The following MLANA variants were observed in gnomAD, a reference collection of about 807,000 sequenced individuals.
MLANA encodes the protein melan-A.
A neutral mutation model predicts 15.7 loss-of-function variants in MLANA; 21 were observed. That is an observed-to-expected ratio of 1.33 (90% CI 0.95 to 1.92). MLANA has a LOEUF of 1.92. MLANA is among the 40% of genes most tolerant of loss of function. The pLI is 0.00. For synonymous variants in MLANA, 56 were observed against 51.5 expected, an observed-to-expected ratio of 1.09 and a Z score of -0.37; for missense variants, 164 against 143.8, an observed-to-expected ratio of 1.14 and a Z score of -0.72.
chr9:5,899,361 A>C (rs897172931), intron 3 of MLANA: 1 of 152,200 alleles, frequency 6.6e-6, no homozygotes, highest in Non-Finnish European at 1.5e-5. Flanking sequence ...TTTGCCAAGA[A>C]ACTTGGGCAG....
intron 1 of MLANA, among the ~76,000 whole-genome samples, chr9:5,891,536 A>G (rs914763267): frequency 6.6e-6 from 1 of 152,190 alleles, no homozygotes; most frequent in African/African-American, 2.4e-5. Context: ...ACTGGGGCTC[A>G]TTAATATAAT....
At chr9:5,896,310 T>C (rs1456984698) in intron 2 of MLANA, among the ~76,000 whole-genome samples, 2 of 152,206 alleles carry the variant, frequency 1.3e-5, no homozygotes, top group South Asian at 2.1e-4. Context: ...CAATGAATGG[T>C]AGTCACTATG....
chr9:5,894,121 G>C lies in MLANA; in HGVS notation c.77+1570G>C, dbSNP rs905707300. Among the ~76,000 whole-genome samples, 11 of 152,156 alleles carry C rather than the reference G, an allele frequency of 7.2e-5. No homozygotes were observed. Among genetic ancestry groups the C allele is most frequent in the Non-Finnish European group, 1.5e-4 (10 of 68,030 alleles). The stretch of plus-strand genomic sequence containing the variant: ...CACAATCCCATCCGACGAGAGGCTA[G>C]GGCAGAGGTCAGTATCTCTCAGTGT... On this transcript the variant is annotated intron_variant, in intron 2 of 4. Coordinates refer to ENST00000381477, the MANE Select transcript of MLANA (RefSeq NM_005511.2). This position sits in a 1 kb window ranked among gnomAD's most constrained non-coding sequence, Gnocchi z 4.0.
In MLANA at chr9:5,909,833, A is replaced by G. The variant is rs753799741; in HGVS notation, c.*1125A>G. On this transcript the variant is annotated 3_prime_UTR_variant, in exon 5 of 5. Coordinates refer to ENST00000381477, the MANE Select transcript of MLANA (RefSeq NM_005511.2). ...GGATCAGAGATTCTGGAATGGTGTC[A>G]TTATTTGCATAGCAACATTGCAATT... 3 of 152,238 alleles carry G rather than the reference A, an allele frequency of 2.0e-5. No homozygotes were observed. The highest frequency in any genetic ancestry group is 2.9e-5 in the Non-Finnish European group (2 of 68,050). 9.4% of individuals were successfully genotyped at this position (152,238 alleles called of 1,614,324 possible).
At chr9:5,902,237 TTG>T (rs1173625941) in intron 3 of MLANA, among the ~76,000 whole-genome samples, 5 of 150,184 alleles carry the variant, frequency 3.3e-5, no homozygotes, top group Non-Finnish European at 7.4e-5. Context: ...TTTTGACAGA[TTG>T]TGTCTTTCAA....
At chr9:5,902,810 T>G (rs1434200648) in intron 3 of MLANA, among the ~76,000 whole-genome samples, 1 of 152,120 alleles carries the variant, frequency 6.6e-6, no homozygotes, top group Non-Finnish European at 1.5e-5. Flanking sequence ...CTCTGCTGAT[T>G]TCTTGTTTTC....
chr9:5,893,225 C>T (rs1470545920), intron 2 of MLANA, among the ~76,000 whole-genome samples: 1 of 152,066 alleles, frequency 6.6e-6, no homozygotes, highest in Non-Finnish European at 1.5e-5. Context: ...GTAATGAAAA[C>T]CCAGAGGCTG....
At chr9:5,899,475 G>T (rs1045427906) in intron 3 of MLANA, among the ~76,000 whole-genome samples, 4 of 152,186 alleles carry the variant, frequency 2.6e-5, no homozygotes, top group Non-Finnish European at 4.4e-5. Flanking sequence ...CACCCACCGA[G>T]CATAGCCCTC....
rs112265389 is a variant in MLANA at position 5,908,294 on chromosome 9, C to T, written c.289-346C>T. Among the ~76,000 whole-genome samples, 14 of 152,270 alleles carry T rather than the reference C, an allele frequency of 9.2e-5. 1 individual carries two copies. Among genetic ancestry groups the T allele is most frequent in the African/African-American group, 3.1e-4 (13 of 41,554 alleles). The stretch of plus-strand genomic sequence containing the variant: ...AATGTGCCTTTAGACACAATTACAA[C>T]GATCTCTGTGGTAAAGATGCAATGT... On this transcript the variant is annotated intron_variant, in intron 4 of 4. Coordinates refer to ENST00000381477, the MANE Select transcript of MLANA (RefSeq NM_005511.2).
intron 2 of MLANA, among the ~76,000 whole-genome samples, chr9:5,896,499 C>T (rs1189519496): frequency 1.3e-5 from 2 of 152,132 alleles, no homozygotes; most frequent in African/African-American, 4.8e-5. Context: ...AGAAGTTGTC[C>T]AGTAGATGGT....
At chr9:5,895,402 T>C (rs564500395) in intron 2 of MLANA, among the ~76,000 whole-genome samples, 1 of 152,174 alleles carries the variant, frequency 6.6e-6, no homozygotes, top group South Asian at 2.1e-4. Context: ...TTTTTAATTT[T>C]TTTGCATAAA....
intron 3 of MLANA, among the ~76,000 whole-genome samples, chr9:5,903,056 A>G (rs546094820): frequency 2.0e-5 from 3 of 152,264 alleles, no homozygotes; most frequent in Non-Finnish European, 2.9e-5. Context: ...ATATATTTAA[A>G]TTTCTCCTGA....
At chr9:5,905,319 A>G (rs1424538077) in intron 3 of MLANA, among the ~76,000 whole-genome samples, 1 of 152,180 alleles carries the variant, frequency 6.6e-6, no homozygotes, top group Non-Finnish European at 1.5e-5. Context: ...GTTGGCCATG[A>G]CGGGAAGGGA....
chr9:5,896,410 T>C (rs1832025173), intron 2 of MLANA, among the ~76,000 whole-genome samples: 1 of 152,214 alleles, frequency 6.6e-6, no homozygotes, highest in Non-Finnish European at 1.5e-5. Context: ...AGTTTCCATC[T>C]AGCACTGTCA....
intron 2 of MLANA, 78 bp from the exon 3 acceptor site, chr9:5,897,479 G>C: frequency 7.5e-7 from 1 of 1,341,136 alleles, no homozygotes; most frequent in Non-Finnish European, 1.1e-6. Flanking sequence ...CATATGAAGA[G>C]GAAGACTGAT....
At chr9:5,893,287 G>A (rs776643165) in intron 2 of MLANA, among the ~76,000 whole-genome samples, 8 of 152,170 alleles carry the variant, frequency 5.3e-5, no homozygotes, top group Admixed American at 1.3e-4. Context: ...TACTCTGTAC[G>A]TGCTGGGTGG....
chr9:5,897,078 G>A (rs1482376606), intron 2 of MLANA, among the ~76,000 whole-genome samples: 1 of 152,208 alleles, frequency 6.6e-6, no homozygotes, highest in Non-Finnish European at 1.5e-5. Flanking sequence ...GATAAATTGT[G>A]TCTACCCTCC....
At chr9:5,892,320 CAG>C (rs1199813562) in intron 1 of MLANA, 128 bp from the exon 2 acceptor site, 2 of 510,646 alleles carry the variant, frequency 3.9e-6, no homozygotes, top group African/African-American at 3.9e-5. Flanking sequence ...AATCCCCTCA[CAG>C]AGAGAAACCA....
intron 3 of MLANA, among the ~76,000 whole-genome samples, chr9:5,899,576 G>A (rs1832281398): frequency 6.6e-6 from 1 of 152,162 alleles, no homozygotes; most frequent in African/African-American, 2.4e-5. Flanking sequence ...AAAGCCTTGG[G>A]TTAGAAAGTT....
Sources: gnomAD v4.1 joint callset for allele counts (sites outside exome capture counted in the v4.1 genomes callset) on GRCh38, gnomAD v4.1.1 for gene constraint, Gnocchi (gnomAD v3.1) non-coding constraint, MANE v1.5 for transcripts, NCBI Gene and HGNC (gene_info 2026-07-23, HGNC 2026-07-21) for gene names.